Variants in NCAPD2 observed in about 807,000 individuals in gnomAD.
NCAPD2 encodes non-SMC condensin I complex subunit D2, also known as condensin complex subunit 1.
Under a neutral mutation model 164.5 loss-of-function variants are expected in NCAPD2, and 100 were observed. The observed-to-expected ratio is 0.61, with a 90% CI of 0.52 to 0.72. NCAPD2 has a LOEUF of 0.72. Ranked by LOEUF, NCAPD2 falls within the 30% of genes least tolerant of loss-of-function variation. NCAPD2 has a pLI of 0.00. For missense variants in NCAPD2, 1,560 were observed against 1,749.2 expected (o/e 0.89, Z 1.93); for synonymous variants, 585 against 642.6 (o/e 0.91, Z 1.36).
chr12:6,512,403 T>C (rs1946159744), intron 6 of NCAPD2, among the ~76,000 whole-genome samples: 1 of 152,004 alleles, frequency 6.6e-6, no homozygotes, highest in Non-Finnish European at 1.5e-5. Flanking sequence ...GACTGAGAGC[T>C]ATGAGAATAT....
chr12:6,523,116 G>A (rs914531711), intron 16 of NCAPD2, 114 bp downstream of exon 16: 2 of 1,467,264 alleles, frequency 1.4e-6, no homozygotes, highest in Non-Finnish European at 1.9e-6. Flanking sequence ...AGATCCATAG[G>A]CAGTCCATCA....
chr12:6,495,323 A>G, intron 2 of NCAPD2, 98 bp downstream of exon 2: 2 of 1,438,108 alleles, frequency 1.4e-6, no homozygotes, highest in South Asian at 2.6e-5. Context: ...ACCAGGAAGC[A>G]TCATAAGAGC....
chr12:6,518,503 A>AGTTTTTTTTTTTGTTT (rs1946225513), intron 13 of NCAPD2, among the ~76,000 whole-genome samples: 6 of 30,714 alleles, frequency 2.0e-4, no homozygotes, highest in African/African-American at 5.9e-4. Context: ...GCCGTCAACA[A>AGTTTTTTTTTTTGTTT]GTTTTTTTTT....
chr12:6,495,349 C>T, intron 2 of NCAPD2, 124 bp downstream of exon 2: 4 of 1,269,118 alleles, frequency 3.2e-6, no homozygotes, highest in Non-Finnish European at 4.3e-6. Context: ...ACATGTTTTT[C>T]CTATTTTGCT....
chr12:6,514,141 G>A (rs1216049542), intron 6 of NCAPD2, 124 bp from the exon 7 acceptor site: 13 of 1,322,602 alleles, frequency 9.8e-6, no homozygotes, highest in Admixed American at 2.0e-5. Context: ...GTTATAGAAA[G>A]TAATGGCTAG....
chr12:6,506,197 A>T (rs1946097460), intron 2 of NCAPD2, among the ~76,000 whole-genome samples: 1 of 152,086 alleles, frequency 6.6e-6, no homozygotes, highest in Non-Finnish European at 1.5e-5. Flanking sequence ...ACCTCAAGTG[A>T]TCCTCCTGCC....
intron 2 of NCAPD2, among the ~76,000 whole-genome samples, chr12:6,497,360 C>T (rs940701211): frequency 9.3e-5 from 14 of 150,582 alleles, no homozygotes; most frequent in Admixed American, 4.0e-4. Flanking sequence ...CATAGGTAAA[C>T]GTGCTGTGTT....
At position 6,529,514 on chromosome 12, in the gene NCAPD2, C is replaced by G; in HGVS notation, c.3574C>G (p.Gln1192Glu). 2 of 1,613,964 alleles carry G rather than the reference C, an allele frequency of 1.2e-6. No individual in the cohort carries two copies. Among genetic ancestry groups the G allele is most frequent in the East Asian group, 2.2e-5 (1 of 44,856 alleles). Reference protein sequence around the residue: ...EEEPFHTIMKQLLSYITKDKQ... With the variant: ...EEEPFHTIMKELLSYITKDKQ... ...CATCCTCATCTCCCCTTCCTGCAGA[C>G]AGCTCCTCTCCTACATCACCAAGGA... Residue 1192 changes from glutamine (Q) to glutamate (E), a missense_variant and splice_region_variant, in exon 28 of 32, where the codon CAG becomes GAG. Gln to Glu is a conservative substitution (Grantham distance 29). Coordinates refer to ENST00000315579, the MANE Select transcript of NCAPD2 (RefSeq NM_014865.4).
At chr12:6,506,592 GAA>G (rs1165369312) in intron 2 of NCAPD2, among the ~76,000 whole-genome samples, 1 of 120,934 alleles carries the variant, frequency 8.3e-6, no homozygotes, top group Non-Finnish European at 1.8e-5. Context: ...TCCGTCTCAA[GAA>G]AAAAAAAAAA....
In NCAPD2 at chr12:6,531,510, T is replaced by TAAAA; in HGVS notation, c.*98_*99insAAAA. ...TAAAATATTTGTCTGTCTCTTTTTT[T>TAAAA]TAAAAAAAAAAAAGGCCGGGCACTG... On this transcript the variant is annotated 3_prime_UTR_variant, in exon 32 of 32. Coordinates refer to ENST00000315579, the MANE Select transcript of NCAPD2 (RefSeq NM_014865.4). This position sits in a 1 kb window ranked among gnomAD's most constrained non-coding sequence, Gnocchi z 4.1. 6.9e-7 allele frequency: 1 copy of TAAAA among 1,457,380 alleles called. No homozygotes were observed. The highest frequency in any genetic ancestry group is 9.1e-7 in the Non-Finnish European group (1 of 1,096,370). 90.3% of individuals were successfully genotyped at this position (1,457,380 alleles called of 1,614,324 possible).
intron 13 of NCAPD2, among the ~76,000 whole-genome samples, chr12:6,518,504 G>GTTTTTTGTTTTTTTTTTTTTTTT (rs1946226490): frequency 2.2e-5 from 1 of 44,774 alleles, no homozygotes; most frequent in African/African-American, 1.0e-4. Flanking sequence ...CCGTCAACAA[G>GTTTTTTGTTTTTTTTTTTTTTTT]TTTTTTTTTT....
rs376124093 is a variant in NCAPD2, at chr12:6,515,336, TA to T, written c.987+417del. On this transcript the variant is annotated intron_variant, in intron 9 of 31. Transcript: ENST00000315579. ...AGTAGCTGGGACTTCAGGCACATAC[TA>T]CCATGCCTGGCTAATTTTTTTAGTT... 1.7e-3 allele frequency among the ~76,000 whole-genome samples: 263 copies of T among 152,148 alleles called. 7 individuals are homozygous for T. The South Asian group carries it at 0.039, about 23-fold the overall frequency.
At chr12:6,512,203 T>C (rs1413393657) in intron 6 of NCAPD2, among the ~76,000 whole-genome samples, 2 of 126,478 alleles carry the variant, frequency 1.6e-5, no homozygotes, top group Non-Finnish European at 3.2e-5. Flanking sequence ...ACCCGGGAGG[T>C]GGAGCTTGCA....
At chr12:6,504,231 A>ATG (rs1565539662) in intron 2 of NCAPD2, among the ~76,000 whole-genome samples, 1 of 66,018 alleles carries the variant, frequency 1.5e-5, no homozygotes. Flanking sequence ...ATAGATATAT[A>ATG]TATATATATA....
Position 6,528,192 on chromosome 12 carries a change from C to G in NCAPD2, c.3163C>G (p.Gln1055Glu). 3.1e-6 allele frequency: 5 copies of G among 1,614,190 alleles called. No homozygotes were observed. The highest frequency in any genetic ancestry group is 4.2e-6 in the Non-Finnish European group (5 of 1,180,036). ...CMISATFCDS[Q>E]LRLLFTMLEK... is the part of the protein sequence containing the mutation. ...TCTTAGTGCCACTTTCTGCGACTCC[C>G]AGCTTCGTCTTCTGTTCACCATGCT... The change falls in exon 25 of 32, where the codon CAG (glutamine) becomes GAG (glutamate). Residue 1055 changes from glutamine to glutamate, a missense_variant. Transcript: ENST00000315579. The surrounding 1 kb of genome is among the most constrained non-coding windows in gnomAD (Gnocchi z 5.1).
chr12:6,517,885 G>A lies in NCAPD2; in HGVS notation c.1515G>A (p.Glu505=). 1 of 1,614,158 alleles carries A rather than the reference G, an allele frequency of 6.2e-7. No individual in the cohort carries two copies. Among genetic ancestry groups the A allele is most frequent in the Non-Finnish European group, 8.5e-7 (1 of 1,180,040 alleles). The change falls in exon 13 of 32, where the codon GAG becomes GAA. Residue 505 remains glutamate (E), a synonymous_variant. Transcript: ENST00000315579. ...QLPQGEEEIP[E]QIANTETTED... ...CCCAGGGAGAGGAGGAGATTCCTGA[G>A]CAAATTGCCAATACAGAGACAACTG...
intron 2 of NCAPD2, among the ~76,000 whole-genome samples, chr12:6,497,837 T>G (rs1945997891): frequency 6.6e-6 from 1 of 152,038 alleles, no homozygotes; most frequent in African/African-American, 2.4e-5. Flanking sequence ...CAGGCTGGTC[T>G]CCAACTCCTG....
At chr12:6,522,159 C>T (rs1225468001) in intron 15 of NCAPD2, 122 bp downstream of exon 15, 9 of 1,122,888 alleles carry the variant, frequency 8.0e-6, no homozygotes, top group Admixed American at 7.3e-5. Flanking sequence ...GTCTCCAACT[C>T]CTGGGCTCAG....
At chr12:6,495,278 A>T in intron 2 of NCAPD2, 53 bp downstream of exon 2, 1 of 1,595,516 alleles carries the variant, frequency 6.3e-7, no homozygotes, top group Non-Finnish European at 8.6e-7. Context: ...ACCATCTCAC[A>T]TGGAATTGCT....
Sources: allele counts gnomAD v4.1 joint callset (sites outside exome capture counted in the v4.1 genomes callset), GRCh38; gene constraint gnomAD v4.1.1; non-coding constraint Gnocchi (gnomAD v3.1); transcripts MANE v1.5; gene names NCBI Gene and HGNC (gene_info 2026-07-23, HGNC 2026-07-21).